The following IL16 variants were observed in gnomAD, a reference collection of about 807,000 sequenced individuals.
The protein encoded by IL16 is pro-interleukin-16.
IL16 carries 67 observed loss-of-function variants against 110.1 expected under a neutral mutation model. The ratio of observed to expected loss-of-function variants is 0.61; its 90% CI spans 0.50 to 0.75. The LOEUF is 0.75. Among genes scored for constraint, IL16 ranks in the 30% least tolerant of loss-of-function variants. The pLI, the probability that IL16 is intolerant of heterozygous loss-of-function variation, is 0.00. For missense variants in IL16, 1,545 were observed against 1,655.0 expected, an observed-to-expected ratio of 0.93 and a Z score of 1.15; for synonymous variants, 689 against 662.9, an observed-to-expected ratio of 1.04 and a Z score of -0.61.
rs1900707673 is a variant in IL16 at position 81,308,844 on chromosome 15, A to C, written c.*46A>C. 6.7e-7 allele frequency: 1 copy of C among 1,499,292 alleles called. No individual in the cohort carries two copies. Among genetic ancestry groups the C allele is most frequent in the Non-Finnish European group, 9.1e-7 (1 of 1,097,438 alleles). 92.9% of individuals were successfully genotyped at this position (1,499,292 alleles called of 1,614,324 possible). On this transcript the variant is annotated 3_prime_UTR_variant, in exon 19 of 19. Transcript: ENST00000683961. ...AGCCAATAACACACAGCTAACACAC[A>C]GCTCCCATAACCGCTGATTCTCAGG...
At chr15:81,284,251 G>A (rs967766244) in intron 9 of IL16, among the ~76,000 whole-genome samples, 3 of 152,160 alleles carry the variant, frequency 2.0e-5, no homozygotes, top group African/African-American at 7.2e-5. Context: ...TCTCTCACTG[G>A]TTTTGGGTTT....
At chr15:81,243,144 T>TATATATATATATATATATATATATATAC (rs1555416936) in intron 2 of IL16, among the ~76,000 whole-genome samples, 1 of 36,094 alleles carries the variant, frequency 2.8e-5, no homozygotes, top group African/African-American at 1.0e-4. Flanking sequence ...GCTATATAAG[T>TATATATATATATATATATATATATATAC]ATATATATAT....
At position 81,300,419 on chromosome 15, in the gene IL16, C is replaced by T. The variant is rs765018726; in HGVS notation, c.3093C>T (p.Asp1031=). ...GASPTSSSNE[D]SAANGSAETS... is the part of the protein sequence containing the mutation. ...CTCCAACATCATCATCCAACGAAGACTCAGCTGCAAATGGTTCTGCTGAAA... is the reference window on the plus strand; with the variant it reads ...CTCCAACATCATCATCCAACGAAGATTCAGCTGCAAATGGTTCTGCTGAAA... The change falls in exon 14 of 19, where the codon GAC becomes GAT. Residue 1031 remains aspartate (D), a synonymous_variant. Coordinates refer to ENST00000683961, the MANE Select transcript of IL16 (RefSeq NM_172217.5). 6.2e-7 allele frequency: 1 copy of T among 1,614,196 alleles called. No individual in the cohort carries two copies. The highest frequency in any genetic ancestry group is 1.1e-5 in the South Asian group (1 of 91,084).
intron 2 of IL16, among the ~76,000 whole-genome samples, chr15:81,249,578 A>G (rs1208856176): frequency 1.3e-5 from 2 of 152,128 alleles, no homozygotes; most frequent in Non-Finnish European, 2.9e-5. Context: ...GCCCTTTTGA[A>G]GTTAATCTGT....
intron 2 of IL16, among the ~76,000 whole-genome samples, chr15:81,250,525 GA>G (rs1302484974): frequency 2.6e-5 from 4 of 152,032 alleles, no homozygotes; most frequent in Non-Finnish European, 4.4e-5. Context: ...ATTTTGCTTT[GA>G]TTTTTTTTTC....
chr15:81,204,907 G>A (rs2141967797), intron 1 of IL16, among the ~76,000 whole-genome samples: 1 of 152,128 alleles, frequency 6.6e-6, no homozygotes, highest in Non-Finnish European at 1.5e-5. Flanking sequence ...GAGCCTGGAG[G>A]GGTTGGGGGA....
At chr15:81,260,616 G>A (rs536373376) in intron 3 of IL16, among the ~76,000 whole-genome samples, 1 of 152,148 alleles carries the variant, frequency 6.6e-6, no homozygotes, top group African/African-American at 2.4e-5. Context: ...TTGCTGAATA[G>A]GTACATGAGA....
At position 81,306,332 on chromosome 15, in the gene IL16, T is replaced by C. The variant is rs1163290484; in HGVS notation, c.3680-88T>C. ...TGTGCCTGTGTGCAAACACGGGGGC[T>C]GTATCACCCCGGGCTCACTTGAAGC... is the stretch of plus-strand genomic sequence containing the variant. On this transcript the variant is annotated intron_variant, in intron 17 of 18. Transcript: ENST00000683961. 3.2e-6 allele frequency: 5 copies of C among 1,567,326 alleles called. 1 individual carries two copies. The African/African-American group carries it at 6.8e-5, about 21-fold the overall frequency.
chr15:81,202,691 A>G (rs370016170), intron 1 of IL16, among the ~76,000 whole-genome samples: 2 of 152,162 alleles, frequency 1.3e-5, no homozygotes, highest in Non-Finnish European at 2.9e-5. Flanking sequence ...TCCATGGTGT[A>G]TATGTGCCAC....
At chr15:81,272,537 G>T (rs11633218) in intron 5 of IL16, among the ~76,000 whole-genome samples, 1 of 152,144 alleles carries the variant, frequency 6.6e-6, no homozygotes, top group African/African-American at 2.4e-5. Context: ...GATAGAGCAG[G>T]TGCAGGAGGG....
In IL16 at chr15:81,306,151, G is replaced by A. The variant is rs201567612; in HGVS notation, c.3664G>A (p.Val1222Ile). ...SAASASAASDVSVESTAEATV... is the reference protein window; with the variant it reads ...SAASASAASDISVESTAEATV... ...AGCCTCAGCCTCTGCAGCCAGTGATGTTTCTGTAGAATCTAGTAAGTTCTC... is the reference window on the plus strand; with the variant it reads ...AGCCTCAGCCTCTGCAGCCAGTGATATTTCTGTAGAATCTAGTAAGTTCTC... Residue 1222 changes from valine to isoleucine, a missense_variant, in exon 17 of 19, where the codon GTT (valine) becomes ATT (isoleucine). Around this residue, in one of 3 missense-constraint regions of IL16, gnomAD observed 356 missense variants for 399.3 expected, o/e 0.89. Transcript: ENST00000683961. 537 of 1,613,926 alleles carry A rather than the reference G, an allele frequency of 3.3e-4. No homozygotes were observed. The highest frequency in any genetic ancestry group is 4.4e-4 in the Non-Finnish European group (521 of 1,179,948).
intron 1 of IL16, among the ~76,000 whole-genome samples, chr15:81,209,287 G>A (rs1896147652): frequency 6.6e-6 from 1 of 152,170 alleles, no homozygotes; most frequent in Non-Finnish European, 1.5e-5. Flanking sequence ...GTGGGGAGGG[G>A]CGTCCTGGGG....
chr15:81,243,146 T>TATATATATATATATATATATATAC (rs1567014750), intron 2 of IL16, among the ~76,000 whole-genome samples: 10 of 39,174 alleles, frequency 2.6e-4, no homozygotes, highest in African/African-American at 7.4e-4. Flanking sequence ...TATATAAGTA[T>TATATATATATATATATATATATAC]ATATATATAT....
chr15:81,300,907 G>A (rs3899751), intron 14 of IL16, among the ~76,000 whole-genome samples: 4,754 of 152,286 alleles, frequency 0.031, 234 homozygotes, highest in African/African-American at 0.11. Flanking sequence ...TACTCTGCAC[G>A]TGGGTTCAAC....
intron 2 of IL16, among the ~76,000 whole-genome samples, chr15:81,243,365 T>C (rs1050917262): frequency 1.3e-5 from 2 of 150,422 alleles, no homozygotes; most frequent in South Asian, 2.1e-4. Flanking sequence ...TAGTTTTTTT[T>C]GTAGAGAGAG....
At chr15:81,202,111 A>G (rs1012583007) in intron 1 of IL16, among the ~76,000 whole-genome samples, 8 of 152,260 alleles carry the variant, frequency 5.3e-5, no homozygotes, top group Non-Finnish European at 1.2e-4. Flanking sequence ...ACCTTTAAAC[A>G]TTAAATGCAA....
At chr15:81,259,634 G>C in intron 2 of IL16, 138 bp from the exon 3 acceptor site, 1 of 590,252 alleles carries the variant, frequency 1.7e-6, no homozygotes. Flanking sequence ...CTAAATCCCT[G>C]CTCTTATAGT....
Position 81,303,532 on chromosome 15 carries a change from AT to A in IL16, c.3319-16del. 1.3e-6 allele frequency: 2 copies of A among 1,518,776 alleles called. No homozygotes were observed. Among genetic ancestry groups the A allele is most frequent in the Non-Finnish European group, 1.8e-6 (2 of 1,093,000 alleles). The allele number at this position is 1,518,776 out of a possible 1,614,324, so 94.1% of individuals were successfully genotyped here. ...CTTGCAGTAAAATGTTTTTGAATGTATGTATTTCCTCTGCAGCAATTAGACG... is the reference window on the plus strand; with the variant it reads ...CTTGCAGTAAAATGTTTTTGAATGTAGTATTTCCTCTGCAGCAATTAGACG... On this transcript the variant is annotated splice_polypyrimidine_tract_variant and intron_variant, in intron 15 of 18. Transcript: ENST00000683961. This position sits in a 1 kb window ranked among gnomAD's most constrained non-coding sequence, Gnocchi z 4.1.
At chr15:81,243,553 G>T (rs1362653410) in intron 2 of IL16, among the ~76,000 whole-genome samples, 4 of 151,864 alleles carry the variant, frequency 2.6e-5, no homozygotes, top group African/African-American at 9.7e-5. Flanking sequence ...TCTGGTTTTG[G>T]TACCAAGATA....
Sources: allele counts gnomAD v4.1 joint callset (sites outside exome capture counted in the v4.1 genomes callset), GRCh38; gene constraint gnomAD v4.1.1; regional missense constraint gnomAD v4.1.1; non-coding constraint Gnocchi (gnomAD v3.1); transcripts MANE v1.5; gene names NCBI Gene and HGNC (gene_info 2026-07-23, HGNC 2026-07-21).